Variants in PEX16 observed in about 807,000 individuals in gnomAD.
The protein encoded by PEX16 is peroxin 16.
In PEX16, 37 loss-of-function variants were observed where a neutral mutation model predicts 50.5. The observed-to-expected ratio is 0.73, with a 90% CI of 0.56 to 0.96. The LOEUF is 0.96. Among genes scored for constraint, PEX16 ranks in the 40% least tolerant of loss-of-function variants. PEX16 has a pLI of 0.00. For synonymous variants in PEX16, 185 were observed against 190.3 expected, an observed-to-expected ratio of 0.97 and a Z score of 0.23; for missense variants, 401 against 438.3, an observed-to-expected ratio of 0.91 and a Z score of 0.76.
Position 45,915,801 on chromosome 11 carries a change from G to A in PEX16, c.261C>T (p.Ser87=), listed in dbSNP as rs780266965. The change falls in exon 4 of 11, where the codon AGC becomes AGT. Residue 87 remains serine (S), a synonymous_variant. Coordinates refer to ENST00000378750, the MANE Select transcript of PEX16 (RefSeq NM_004813.4). The part of the protein sequence containing the change: ...LSQQKLLTWL[S]VLECVEVFME... The stretch of plus-strand genomic sequence containing the variant: ...TGAACACCTCCACGCACTCCAGCAC[G>A]CTCAGCCATGTCAGCAGCTTCTGCT... 22 of 1,613,578 alleles carry A rather than the reference G, an allele frequency of 1.4e-5. No homozygotes were observed. Among genetic ancestry groups the A allele is most frequent in the Middle Eastern group, 1.6e-4 (1 of 6,084 alleles).
At chr11:45,910,419 T>C (rs2086764499) in intron 10 of PEX16, 107 bp from the exon 11 acceptor site, 2 of 909,090 alleles carry the variant, frequency 2.2e-6, no homozygotes, top group East Asian at 5.1e-5. Context: ...CAGCTGGCTG[T>C]CTTGCCCTGC....
At chr11:45,918,511 T>G (rs1050261601), upstream of PEX16, 2 of 153,426 alleles carry the variant, frequency 1.3e-5, no homozygotes, top group Non-Finnish European at 2.9e-5. Flanking sequence ...AGCTCCCGTA[T>G]GGACTGTGCC....
chr11:45,912,224 C>T (rs142583473), intron 9 of PEX16, among the ~76,000 whole-genome samples: 1,923 of 151,872 alleles, frequency 0.013, 20 homozygotes, highest in Middle Eastern at 0.031. Context: ...TCAGGCCAGG[C>T]GCGGTGGCTC....
intron 10 of PEX16, among the ~76,000 whole-genome samples, chr11:45,910,617 C>G (rs1421941093): frequency 5.3e-5 from 8 of 152,190 alleles, no homozygotes; most frequent in African/African-American, 9.7e-5. Context: ...TTGAATCCCC[C>G]CAAGATGAGA....
intron 3 of PEX16, 129 bp from the exon 4 acceptor site, chr11:45,915,965 G>T: frequency 2.1e-6 from 2 of 968,520 alleles, no homozygotes; most frequent in Non-Finnish European, 3.3e-6. Context: ...CTGTGCAGGT[G>T]TGAGTTCAAA....
chr11:45,910,220 C>T lies in PEX16; in HGVS notation c.*34G>A. 1 of 1,613,092 alleles carries T rather than the reference C, an allele frequency of 6.2e-7. No homozygotes were observed. Among genetic ancestry groups the T allele is most frequent in the Non-Finnish European group, 8.5e-7 (1 of 1,179,586 alleles). ...ATTAGGGAAGAGGGGCTCCCTGCCC[C>T]ACCCCTCCCCACACCCTCCTTCCGG... On this transcript the variant is annotated 3_prime_UTR_variant, in exon 11 of 11. Transcript: ENST00000378750.
At chr11:45,916,203 C>G (rs756498528) in intron 3 of PEX16, 24 bp downstream of exon 3, 2 of 1,580,326 alleles carry the variant, frequency 1.3e-6, no homozygotes, top group Admixed American at 3.3e-5. Flanking sequence ...ATGCTTCCCA[C>G]CCTGTTCTTG....
chr11:45,915,895 C>T (rs2086829450), intron 3 of PEX16, 59 bp from the exon 4 acceptor site: 4 of 1,554,690 alleles, frequency 2.6e-6, no homozygotes, highest in African/African-American at 1.4e-5. Context: ...GTCCCAGGCC[C>T]TTCTCCTAGG....
At chr11:45,913,692 C>T in intron 9 of PEX16, 127 bp downstream of exon 9, 1 of 1,118,554 alleles carries the variant, frequency 8.9e-7, no homozygotes, top group Admixed American at 1.8e-5. Context: ...TGACTGCCAC[C>T]CGGACAACAC....
intron 1 of PEX16, 87 bp downstream of exon 1, chr11:45,917,613 G>A (rs1057111608): frequency 1.5e-5 from 22 of 1,489,610 alleles, no homozygotes; most frequent in Non-Finnish European, 2.0e-5. Flanking sequence ...CAAGCACAGC[G>A]ATCACTACCC....
intron 8 of PEX16, 56 bp downstream of exon 8, chr11:45,914,075 A>G: frequency 6.3e-7 from 1 of 1,576,450 alleles, no homozygotes; most frequent in South Asian, 1.1e-5. Flanking sequence ...ATGTGAGGCC[A>G]GGATTATAGC....
chr11:45,917,475 T>A lies in PEX16; in HGVS notation c.131A>T (p.His44Leu). 1 of 1,613,918 alleles carries A rather than the reference T, an allele frequency of 6.2e-7. No homozygotes were observed. The highest frequency in any genetic ancestry group is 8.5e-7 in the Non-Finnish European group (1 of 1,179,972). ...YLLAGRFADSHELSELVYSAS... is the reference protein window; with the variant it reads ...YLLAGRFADSLELSELVYSAS... ...CGGCTCACCCAGCTCTGACAGCTCGTGCGAATCGGCGAATCGACCTGGGGA... is the reference window on the plus strand; with the variant it reads ...CGGCTCACCCAGCTCTGACAGCTCGAGCGAATCGGCGAATCGACCTGGGGA... The change falls in exon 2 of 11, where the codon CAC (histidine) becomes CTC (leucine). Residue 44 changes from histidine (H) to leucine (L), a missense_variant. Physicochemically the swap from His to Leu is moderately conservative, Grantham distance 99. Coordinates refer to ENST00000378750, the MANE Select transcript of PEX16 (RefSeq NM_004813.4).
chr11:45,914,663 T>G lies in PEX16; in HGVS notation c.482A>C (p.Asn161Thr). 1 of 1,614,166 alleles carries G rather than the reference T, an allele frequency of 6.2e-7. No individual in the cohort carries two copies. Among genetic ancestry groups the G allele is most frequent in the Non-Finnish European group, 8.5e-7 (1 of 1,180,008 alleles). The part of the protein sequence containing the change: ...QPPDGDHSPG[N>T]HEQSYVGKRS... ...CTTCCCCACGTAGGACTGCTCATGG[T>G]TGCCAGGGCTGTGGTCACCATCTAG... The change falls in exon 6 of 11, where the codon AAC becomes ACC. Residue 161 changes from asparagine to threonine, a missense_variant. Transcript: ENST00000378750.
rs763443291 is a variant in PEX16, at chr11:45,917,737, C to A, written c.75G>T (p.Leu25=). The A allele has an allele frequency of 5.8e-6, 9 of 1,560,476 alleles. No individual in the cohort carries two copies. The South Asian group carries it at 1.1e-4, about 18-fold the overall frequency. Residue 25 remains leucine, a synonymous_variant, in exon 1 of 11, where the codon CTG becomes CTT. Coordinates refer to ENST00000378750, the MANE Select transcript of PEX16 (RefSeq NM_004813.4). The part of the protein sequence containing the change: ...VTRHPAATAQ[L]ETAVRGFSYL... The stretch of plus-strand genomic sequence containing the variant: ...AACTGAAGCCCCGCACTGCTGTCTC[C>A]AGCTGGGCCGTGGCGGCCGGGTGAC...
intron 9 of PEX16, among the ~76,000 whole-genome samples, chr11:45,912,606 C>A (rs564445800): frequency 1.3e-5 from 2 of 152,234 alleles, no homozygotes; most frequent in Admixed American, 6.5e-5. Flanking sequence ...TGGGTTCAAG[C>A]GATTCTCCTG....
chr11:45,914,111 C>A lies in PEX16; in HGVS notation c.767+20G>T, dbSNP rs748318213. The A allele has an allele frequency of 1.3e-6, 2 of 1,586,868 alleles. No individual in the cohort carries two copies. The highest frequency in any genetic ancestry group is 1.7e-6 in the Non-Finnish European group (2 of 1,165,790). ...AGAAAGCCCAGTGGAGAGTGAAGCCCCAGGCAGGCCCAGGCTCACCTGGTC... is the reference window on the plus strand; with the variant it reads ...AGAAAGCCCAGTGGAGAGTGAAGCCACAGGCAGGCCCAGGCTCACCTGGTC... On this transcript the variant is annotated intron_variant, in intron 8 of 10. Transcript: ENST00000378750.
chr11:45,918,097 G>A (rs1413942272), upstream of PEX16: 3 of 504,902 alleles, frequency 5.9e-6, no homozygotes, highest in African/African-American at 1.9e-5. Context: ...GCCCAGCGCC[G>A]TCAGCACCCA....
chr11:45,915,661 G>A (rs2086826451), intron 4 of PEX16, 42 bp downstream of exon 4: 1 of 1,613,024 alleles, frequency 6.2e-7, no homozygotes, highest in Non-Finnish European at 8.5e-7. Context: ...TAGCTAGCCT[G>A]CGTCACCCCC....
Position 45,911,634 on chromosome 11 carries a change from G to A in PEX16, c.888-672C>T, listed in dbSNP as rs146650143. On this transcript the variant is annotated intron_variant, in intron 9 of 10. Coordinates refer to ENST00000378750, the MANE Select transcript of PEX16 (RefSeq NM_004813.4). Reference sequence around the variant, plus strand: ...GTCATCATCCCCATCTTACAGGTGAGGAAATGAGGCACAGGCGCATCAAAT... The same window carrying A: ...GTCATCATCCCCATCTTACAGGTGAAGAAATGAGGCACAGGCGCATCAAAT... 2.6e-5 allele frequency among the ~76,000 whole-genome samples: 4 copies of A among 152,342 alleles called. No individual in the cohort carries two copies. The East Asian group carries it at 5.8e-4, about 22-fold the overall frequency.
Sources: allele counts gnomAD v4.1 joint callset (sites outside exome capture counted in the v4.1 genomes callset), GRCh38; gene constraint gnomAD v4.1.1; transcripts MANE v1.5; gene names NCBI Gene and HGNC (gene_info 2026-07-23, HGNC 2026-07-21).